Variants in OTUD7A observed in about 807,000 individuals in gnomAD.
OTUD7A encodes the protein OTU domain-containing protein 7A.
A neutral mutation model predicts 65.7 loss-of-function variants in OTUD7A; 12 were observed. That is an observed-to-expected ratio of 0.18 (90% CI 0.12 to 0.30). The LOEUF is 0.30. OTUD7A is among the 10% of genes least tolerant of loss of function. The pLI, the probability that OTUD7A is intolerant of heterozygous loss-of-function variation, is 1.00. For synonymous variants in OTUD7A, 641 were observed against 586.3 expected (o/e 1.09, Z -1.35); for missense variants, 1,148 against 1,304.8 (o/e 0.88, Z 1.85).
At chr15:31,826,742 A>T (rs899157599) in intron 1 of OTUD7A, among the ~76,000 whole-genome samples, 4 of 152,334 alleles carry the variant, frequency 2.6e-5, no homozygotes, top group African/African-American at 9.6e-5. Context: ...AACAGCATCT[A>T]ATTCACCGCT....
chr15:31,746,619 C>T (rs535289019), intron 1 of OTUD7A, among the ~76,000 whole-genome samples: 1 of 151,814 alleles, frequency 6.6e-6, no homozygotes, highest in South Asian at 2.1e-4. Context: ...GCCTCAGCCT[C>T]CTGAGTAGCT....
chr15:31,592,266 C>T (rs76216176), intron 3 of OTUD7A, among the ~76,000 whole-genome samples: 13,627 of 152,116 alleles, frequency 0.09, 831 homozygotes, highest in Middle Eastern at 0.18. Flanking sequence ...ATTTTTAAAA[C>T]TTTTTGACTC....
At chr15:31,697,029 C>A (rs1893100541) in intron 1 of OTUD7A, among the ~76,000 whole-genome samples, 1 of 150,686 alleles carries the variant, frequency 6.6e-6, no homozygotes, top group African/African-American at 2.4e-5. Context: ...AAAGAGGGTG[C>A]TGGCTGCTCA....
At chr15:31,540,264 A>G (rs2141134233) in intron 5 of OTUD7A, among the ~76,000 whole-genome samples, 1 of 152,300 alleles carries the variant, frequency 6.6e-6, no homozygotes, top group East Asian at 1.9e-4. Context: ...CTAACCAATC[A>G]TCACTCTTCC....
At chr15:31,860,637 A>ATATATATATATATATATATATATG (rs1296261170) in intron 1 of OTUD7A, among the ~76,000 whole-genome samples, 60 of 127,422 alleles carry the variant, frequency 4.7e-4, no homozygotes, top group South Asian at 8.7e-4. Context: ...ATATATATAT[A>ATATATATATATATATATATATATG]TATATATGTA....
chr15:31,797,755 A>G (rs191959142), intron 1 of OTUD7A, among the ~76,000 whole-genome samples: 1 of 152,360 alleles, frequency 6.6e-6, no homozygotes, highest in Admixed American at 6.5e-5. Context: ...TCCTATTGCC[A>G]CTGCCCCAAC....
intron 5 of OTUD7A, among the ~76,000 whole-genome samples, chr15:31,554,317 C>A (rs542919583): frequency 3.3e-5 from 5 of 152,310 alleles, no homozygotes; most frequent in Non-Finnish European, 7.4e-5. Flanking sequence ...AGCCCCAGAC[C>A]TGGATGGGGC....
intron 5 of OTUD7A, among the ~76,000 whole-genome samples, chr15:31,536,272 G>C (rs1430985820): frequency 6.6e-6 from 1 of 152,204 alleles, no homozygotes; most frequent in East Asian, 1.9e-4. Context: ...ATGTTAGGCA[G>C]GTGACACAAA....
At chr15:31,527,099 A>T in intron 7 of OTUD7A, 82 bp downstream of exon 7, 2 of 1,565,232 alleles carry the variant, frequency 1.3e-6, no homozygotes, top group South Asian at 2.4e-5. Flanking sequence ...TGGGGCCTGG[A>T]GGCCATGCTG....
chr15:31,593,784 G>A (rs1374096679), intron 3 of OTUD7A, among the ~76,000 whole-genome samples: 1 of 152,182 alleles, frequency 6.6e-6, no homozygotes, highest in Non-Finnish European at 1.5e-5. Context: ...ATTTTAAAGA[G>A]AAATAAATGA....
intron 1 of OTUD7A, among the ~76,000 whole-genome samples, chr15:31,860,643 A>ATATATATATATATATATATATATG (rs1567059779): frequency 2.6e-5 from 3 of 114,560 alleles, no homozygotes; most frequent in Non-Finnish European, 5.6e-5. Flanking sequence ...ATATATATAT[A>ATATATATATATATATATATATATG]TGTATGTATG....
intron 1 of OTUD7A, among the ~76,000 whole-genome samples, chr15:31,718,119 G>C (rs1018281343): frequency 2.6e-5 from 4 of 152,076 alleles, no homozygotes; most frequent in African/African-American, 9.7e-5. Context: ...ACCACCTCAG[G>C]GACAAATCAT....
At position 31,483,788 on chromosome 15, in the gene OTUD7A, G is replaced by A. The variant is rs564071366; in HGVS notation, c.2308C>T (p.Pro770Ser). The change falls in exon 13 of 13, where the codon CCC becomes TCC. Residue 770 changes from proline (P) to serine (S), a missense_variant. Transcript: ENST00000307050. ...ACGCTCTGGCGCGCTGGCGCCGGGGGGCTGCGGCCAGGCACTGGTCCGCTG... is the reference window on the plus strand; with the variant it reads ...ACGCTCTGGCGCGCTGGCGCCGGGGAGCTGCGGCCAGGCACTGGTCCGCTG... ...SASGPVPGRS[P>S]PAPARQSVIH... The A allele has an allele frequency of 5.7e-4, 600 of 1,043,874 alleles. No individual in the cohort carries two copies. The highest frequency in any genetic ancestry group is 1.5e-3 in the Admixed American group (26 of 17,916). The allele number at this position is 1,043,874 out of a possible 1,614,324, so 64.7% of individuals were successfully genotyped here. A position where few individuals can be genotyped will look rare whatever the true frequency, so the allele number is the denominator to read the frequency against.
rs1051388013 is a variant in OTUD7A at position 31,869,410 on chromosome 15, G to C, written c.-100+1097C>G. On this transcript the variant is annotated intron_variant, in intron 1 of 12. Coordinates refer to ENST00000307050, the MANE Select transcript of OTUD7A (RefSeq NM_001382637.1). ...CTGCAGATTTTCCTGAAGCAATTAA[G>C]ACCTGTAAAGATTTAGGCCCCGCTG... Among the ~76,000 whole-genome samples, 7 of 152,200 alleles carry C rather than the reference G, an allele frequency of 4.6e-5. No individual in the cohort carries two copies. In the South Asian group the frequency reaches 8.3e-4, roughly 18 times the overall value.
At chr15:31,839,147 G>A (rs573502023) in intron 1 of OTUD7A, among the ~76,000 whole-genome samples, 1 of 152,210 alleles carries the variant, frequency 6.6e-6, no homozygotes, top group African/African-American at 2.4e-5. Flanking sequence ...CTGGCTTGGA[G>A]CACCGTTCGA....
chr15:31,796,688 A>G lies in OTUD7A; in HGVS notation c.-100+73819T>C, dbSNP rs193297602. Among the ~76,000 whole-genome samples the G allele has an allele frequency of 6.1e-3, 936 of 152,320 alleles. 3 individuals carry two copies. The highest frequency in any genetic ancestry group is 9.7e-3 in the Non-Finnish European group (659 of 68,028). On this transcript the variant is annotated intron_variant, in intron 1 of 12. Coordinates refer to ENST00000307050, the MANE Select transcript of OTUD7A (RefSeq NM_001382637.1). ...GTCAATGGTGACCCAATGCTCTTCT[A>G]TTGCTTCCAGTTTTTATTTCATACT...
At chr15:31,842,496 G>A (rs978590037) in intron 1 of OTUD7A, among the ~76,000 whole-genome samples, 3 of 152,222 alleles carry the variant, frequency 2.0e-5, no homozygotes, top group African/African-American at 7.2e-5. Context: ...TTCACAGCCG[G>A]AAGTGAAGCT....
At chr15:31,566,598 C>T (rs1020105294) in intron 4 of OTUD7A, among the ~76,000 whole-genome samples, 1 of 152,086 alleles carries the variant, frequency 6.6e-6, no homozygotes, top group African/African-American at 2.4e-5. Flanking sequence ...TATTTGTCTC[C>T]AAATCTCAAG....
intron 3 of OTUD7A, 105 bp downstream of exon 3, chr15:31,654,991 C>T: frequency 7.3e-7 from 1 of 1,367,406 alleles, no homozygotes; most frequent in Non-Finnish European, 9.8e-7. Flanking sequence ...AAAGCAAAGC[C>T]CACTTAGTGC....
Sources: gnomAD v4.1 joint callset for allele counts (sites outside exome capture counted in the v4.1 genomes callset) on GRCh38, gnomAD v4.1.1 for gene constraint, MANE v1.5 for transcripts, NCBI Gene and HGNC (gene_info 2026-07-23, HGNC 2026-07-21) for gene names.